TYR: variants seen among roughly 807,000 people sequenced by gnomAD.
TYR encodes the protein LB24-AB.
TYR carries 58 observed loss-of-function variants against 51.5 expected under a neutral mutation model. The observed-to-expected ratio is 1.13, with a 90% CI of 0.91 to 1.40. The LOEUF is 1.40. Among genes scored for constraint, TYR ranks in the 40% most tolerant of loss-of-function variants. The pLI is 0.00. For missense variants in TYR, 732 were observed against 647.4 expected (o/e 1.13, Z -1.42); for synonymous variants, 263 against 235.2 (o/e 1.12, Z -1.08).
At chr11:89,214,527 A>T (rs1943807345) in intron 2 of TYR, among the ~76,000 whole-genome samples, 1 of 152,244 alleles carries the variant, frequency 6.6e-6, no homozygotes. Flanking sequence ...CGATCCCATT[A>T]CTGGGTATAC....
rs1187394529 is a variant in TYR, at chr11:89,247,858, C to A, written c.1184+19888C>A. On this transcript the variant is annotated intron_variant, in intron 3 of 4. Transcript: ENST00000263321. ...AGCATGACTGTAGGATAGATCTTTACCATAATTATTTCGAGAGCCAAATGT... is the reference window on the plus strand; with the variant it reads ...AGCATGACTGTAGGATAGATCTTTAACATAATTATTTCGAGAGCCAAATGT... 2.0e-5 allele frequency among the ~76,000 whole-genome samples: 3 copies of A among 152,102 alleles called. No individual in the cohort carries two copies. In the East Asian group the frequency reaches 5.8e-4, roughly 29 times the overall value.
chr11:89,188,240 T>A (rs2135250299), intron 1 of TYR, among the ~76,000 whole-genome samples: 1 of 152,000 alleles, frequency 6.6e-6, no homozygotes, highest in East Asian at 2.0e-4. Context: ...AGACATTAAA[T>A]CTTCATGACC....
Position 89,178,628 on chromosome 11 carries a change from G to T in TYR, c.675G>T (p.Leu225=). 1.2e-6 allele frequency: 2 copies of T among 1,612,526 alleles called. No individual in the cohort carries two copies. Among genetic ancestry groups the T allele is most frequent in the East Asian group, 4.5e-5 (2 of 44,842 alleles). ...GGTGGGAACAAGAAATCCAGAAGCTGACAGGAGATGAAAACTTCACTATTC... is the reference window on the plus strand; with the variant it reads ...GGTGGGAACAAGAAATCCAGAAGCTTACAGGAGATGAAAACTTCACTATTC... ...LLRWEQEIQK[L]TGDENFTIPY... Residue 225 remains leucine, a synonymous_variant, in exon 1 of 5, where the codon CTG becomes CTT. Transcript: ENST00000263321.
intron 3 of TYR, among the ~76,000 whole-genome samples, chr11:89,251,246 T>A (rs1258254018): frequency 6.6e-6 from 1 of 151,904 alleles, no homozygotes; most frequent in Non-Finnish European, 1.5e-5. Flanking sequence ...CTATAAGAAA[T>A]GCTATTTTGA....
At chr11:89,240,977 G>C (rs1161415176) in intron 3 of TYR, among the ~76,000 whole-genome samples, 1 of 152,178 alleles carries the variant, frequency 6.6e-6, no homozygotes, top group Non-Finnish European at 1.5e-5. Flanking sequence ...GGGTTGAAAA[G>C]TTTGAGAAGG....
chr11:89,251,586 T>C (rs1046432228), intron 3 of TYR, among the ~76,000 whole-genome samples: 2 of 151,914 alleles, frequency 1.3e-5, no homozygotes, highest in African/African-American at 2.4e-5. Context: ...AAGTTTTCTG[T>C]AGCTGTGTCC....
chr11:89,239,959 T>C (rs1204456741), intron 3 of TYR, among the ~76,000 whole-genome samples: 1 of 152,228 alleles, frequency 6.6e-6, no homozygotes, highest in Non-Finnish European at 1.5e-5. Flanking sequence ...TCTAACCATA[T>C]GATCTATCCT....
In TYR at chr11:89,178,116, T is replaced by G. The variant is rs367543067; in HGVS notation, c.163T>G (p.Cys55Gly). ...PCGQLSGRGSCQNILLSNAPL... is the reference protein window; with the variant it reads ...PCGQLSGRGSGQNILLSNAPL... Reference sequence around the variant, plus strand: ...TGGCCAGCTTTCAGGCAGAGGTTCCTGTCAGAATATCCTTCTGTCCAATGC... The same window carrying G: ...TGGCCAGCTTTCAGGCAGAGGTTCCGGTCAGAATATCCTTCTGTCCAATGC... The change falls in exon 1 of 5, where the codon TGT becomes GGT. Residue 55 changes from cysteine (C) to glycine (G), a missense_variant. Physicochemically the swap from Cys to Gly is radical, Grantham distance 159. Coordinates refer to ENST00000263321, the MANE Select transcript of TYR (RefSeq NM_000372.5). 2 of 1,614,104 alleles carry G rather than the reference T, an allele frequency of 1.2e-6. No individual in the cohort carries two copies. Among genetic ancestry groups the G allele is most frequent in the Admixed American group, 1.7e-5 (1 of 60,008 alleles).
chr11:89,180,553 G>GAA (rs1239501501), intron 1 of TYR, among the ~76,000 whole-genome samples: 1 of 137,608 alleles, frequency 7.3e-6, no homozygotes, highest in African/African-American at 2.6e-5. Context: ...ATACTCTCTA[G>GAA]AAAAAAAAAA....
chr11:89,268,434 A>G (rs1944550944), intron 3 of TYR, among the ~76,000 whole-genome samples: 1 of 151,956 alleles, frequency 6.6e-6, no homozygotes, highest in Non-Finnish European at 1.5e-5. Flanking sequence ...ACTCTAGTGA[A>G]GAATAGTAGA....
At chr11:89,253,901 C>T (rs1490216802) in intron 3 of TYR, among the ~76,000 whole-genome samples, 1 of 151,720 alleles carries the variant, frequency 6.6e-6, no homozygotes, top group Non-Finnish European at 1.5e-5. Context: ...TTGTCTTGTT[C>T]CAGTTCTCAG....
At chr11:89,246,912 G>A (rs542363677) in intron 3 of TYR, among the ~76,000 whole-genome samples, 12 of 152,090 alleles carry the variant, frequency 7.9e-5, no homozygotes, top group Non-Finnish European at 1.5e-4. Context: ...GGGTTATGGG[G>A]GTAGGTAAGC....
chr11:89,266,274 G>A (rs1433310492), intron 3 of TYR, among the ~76,000 whole-genome samples: 1 of 151,882 alleles, frequency 6.6e-6, no homozygotes, highest in African/African-American at 2.4e-5. Context: ...TTCTATAATT[G>A]TAAACCATAA....
chr11:89,206,742 A>G (rs1367626147), intron 2 of TYR, among the ~76,000 whole-genome samples: 1 of 152,146 alleles, frequency 6.6e-6, no homozygotes, highest in African/African-American at 2.4e-5. Context: ...CATAAAGCAA[A>G]TATCAACAAA....
intron 2 of TYR, among the ~76,000 whole-genome samples, chr11:89,194,911 C>G (rs1203896994): frequency 2.0e-5 from 3 of 152,124 alleles, no homozygotes; most frequent in Non-Finnish European, 4.4e-5. Flanking sequence ...TGCTCCAGGC[C>G]TGAAATTAGC....
intron 2 of TYR, among the ~76,000 whole-genome samples, chr11:89,220,701 C>T (rs1417509782): frequency 6.6e-6 from 1 of 151,980 alleles, no homozygotes. Context: ...TTGCAGTGAG[C>T]GGAGATCACA....
In TYR at chr11:89,178,736, C is replaced by T. The variant is rs751135308; in HGVS notation, c.783C>T (p.Asn261=). 4 of 1,614,006 alleles carry T rather than the reference C, an allele frequency of 2.5e-6. No homozygotes were observed. The highest frequency in any genetic ancestry group is 4.5e-5 in the East Asian group (2 of 44,880). ...GAGGTCAGCACCCCACAAATCCTAA[C>T]TTACTCAGCCCAGCATCATTCTTCT... ...YMGGQHPTNP[N]LLSPASFFSS... The change falls in exon 1 of 5, where the codon AAC becomes AAT. Residue 261 remains asparagine (N), a synonymous_variant. Coordinates refer to ENST00000263321, the MANE Select transcript of TYR (RefSeq NM_000372.5).
intron 3 of TYR, among the ~76,000 whole-genome samples, chr11:89,256,063 T>C (rs1565414492): frequency 1.3e-5 from 2 of 151,780 alleles, no homozygotes; most frequent in Non-Finnish European, 1.5e-5. Context: ...TGGTTTGTTA[T>C]AGAATCAGGG....
rs371986047 is a variant in TYR at position 89,284,767 on chromosome 11, C to T, written c.1185-6C>T. On this transcript the variant is annotated splice_region_variant and splice_polypyrimidine_tract_variant and intron_variant, in intron 3 of 4. Coordinates refer to ENST00000263321, the MANE Select transcript of TYR (RefSeq NM_000372.5). ...TTCTTAGTCTGAATAACCTTTTCCT[C>T]TGCAGTATTTTTGAGCAGTGGCTCC... The T allele has an allele frequency of 2.5e-4, 401 of 1,611,180 alleles. No individual in the cohort carries two copies. The highest frequency in any genetic ancestry group is 3.3e-4 in the Non-Finnish European group (383 of 1,178,158).
Sources: gnomAD v4.1 joint callset for allele counts (sites outside exome capture counted in the v4.1 genomes callset) on GRCh38, gnomAD v4.1.1 for gene constraint, MANE v1.5 for transcripts, NCBI Gene and HGNC (gene_info 2026-07-23, HGNC 2026-07-21) for gene names.